Variants in SLC27A4 observed in about 807,000 individuals in gnomAD.
The protein encoded by SLC27A4 is solute carrier family 27 member 4, also known as long-chain fatty acid transport protein 4.
In SLC27A4, 33 loss-of-function variants were observed where a neutral mutation model predicts 64.4. The ratio of observed to expected loss-of-function variants is 0.51; its 90% confidence interval spans 0.39 to 0.68. The LOEUF is 0.68. SLC27A4 is among the 30% of genes least tolerant of loss of function. SLC27A4 has a pLI of 0.00. For synonymous variants in SLC27A4, 377 were observed against 370.0 expected (o/e 1.02, Z -0.22); for missense variants, 824 against 883.5 (o/e 0.93, Z 0.85).
Position 128,343,285 on chromosome 9 carries a change from C to T in SLC27A4, c.153C>T (p.Arg51=), listed in dbSNP as rs151270996. The change falls in exon 2 of 13, where the codon CGC becomes CGT. Residue 51 remains arginine, a synonymous_variant. Coordinates refer to ENST00000300456, the MANE Select transcript of SLC27A4 (RefSeq NM_005094.4). ...FIRVFIKTIR[R]DIFGGLVLLK... is the part of the protein sequence containing the mutation. ...GGGTCTTCATCAAGACCATCAGGCG[C>T]GATATCTTGTGAGTACCTGGCCCAG... 4.8e-4 allele frequency: 778 copies of T among 1,614,128 alleles called. No individual in the cohort carries two copies. Among genetic ancestry groups the T allele is most frequent in the Non-Finnish European group, 6.1e-4 (721 of 1,180,036 alleles).
intron 4 of SLC27A4, among the ~76,000 whole-genome samples, chr9:128,349,013 G>C (rs1011678225): frequency 4.5e-5 from 6 of 133,470 alleles, no homozygotes; most frequent in African/African-American, 1.6e-4. Context: ...GTGGACTCCG[G>C]GAACCTGCCT....
In SLC27A4 at chr9:128,350,387, G is replaced by A; in HGVS notation, c.785+6G>A. ...GCCATCGTGGTGCACAGCAGGTAAG[G>A]GGCAGGTGCCCAGGGTGGGGTAGGC... On this transcript the variant is annotated splice_donor_region_variant and intron_variant, in intron 5 of 12. Transcript: ENST00000300456. The A allele has an allele frequency of 6.2e-7, 1 of 1,613,570 alleles. No individual in the cohort carries two copies. The highest frequency in any genetic ancestry group is 8.5e-7 in the Non-Finnish European group (1 of 1,179,900).
chr9:128,349,995 A>C (rs1832709854), intron 4 of SLC27A4, among the ~76,000 whole-genome samples: 2 of 152,096 alleles, frequency 1.3e-5, no homozygotes, highest in African/African-American at 4.8e-5. Context: ...CTTGTTGCTT[A>C]GTATTGGAAT....
At chr9:128,350,630 C>A in intron 6 of SLC27A4, 55 bp downstream of exon 6, 2 of 1,326,590 alleles carry the variant, frequency 1.5e-6, no homozygotes, top group Non-Finnish European at 2.1e-6. Flanking sequence ...CTAGGAACCC[C>A]ACCCCCATCA....
chr9:128,360,218 C>T, intron 12 of SLC27A4, 116 bp from the exon 13 acceptor site: 2 of 1,187,158 alleles, frequency 1.7e-6, no homozygotes, highest in South Asian at 2.5e-5. Context: ...TCCTCCCCCA[C>T]TTCCCTCCCC....
intron 6 of SLC27A4, 30 bp from the exon 7 acceptor site, chr9:128,352,608 G>A (rs1564401815): frequency 6.4e-7 from 1 of 1,564,704 alleles, no homozygotes; most frequent in Middle Eastern, 1.7e-4. Context: ...TCATCTCGCT[G>A]ACCCTCAGGG....
rs560729636 is a variant in SLC27A4 at position 128,360,700 on chromosome 9, G to A, written c.*209G>A. ...TGTGAAAGTCTCATGTCCAAGTTCC[G>A]TCTTCTGGGCTGGGCAGGCCCTCTG... On this transcript the variant is annotated 3_prime_UTR_variant, in exon 13 of 13. Coordinates refer to ENST00000300456, the MANE Select transcript of SLC27A4 (RefSeq NM_005094.4). 269 of 590,120 alleles carry A rather than the reference G, an allele frequency of 4.6e-4. 6 individuals are homozygous for A. Among genetic ancestry groups the A allele is most frequent in the South Asian group, 4.0e-3 (204 of 50,998 alleles). The allele number at this position is 590,120 out of a possible 1,614,324, so 36.6% of individuals were successfully genotyped here. A position where few individuals can be genotyped will look rare whatever the true frequency, so the allele number is the denominator to read the frequency against.
At position 128,355,856 on chromosome 9, in the gene SLC27A4, G is replaced by C. The variant is rs1051825166; in HGVS notation, c.1774+60G>C. The C allele has an allele frequency of 3.9e-5, 63 of 1,604,994 alleles. No homozygotes were observed. The South Asian group carries it at 6.7e-4, about 17-fold the overall frequency. ...AGGTCCCTTCCCGTTTCCTTCTGGA[G>C]AGACCCGGTTGGCTGTTACTTGACC... On this transcript the variant is annotated intron_variant, in intron 12 of 12. Coordinates refer to ENST00000300456, the MANE Select transcript of SLC27A4 (RefSeq NM_005094.4).
At chr9:128,355,881 C>G in intron 12 of SLC27A4, 85 bp downstream of exon 12, 1 of 1,568,440 alleles carries the variant, frequency 6.4e-7, no homozygotes, top group Non-Finnish European at 8.7e-7. Context: ...GTTACTTGAC[C>G]TCTGCACACA....
At chr9:128,341,838 AAGCAATTCTTCTGCCTCAGCCTCCTGAGT>A (rs1832577173) in intron 1 of SLC27A4, among the ~76,000 whole-genome samples, 1 of 152,142 alleles carries the variant, frequency 6.6e-6, no homozygotes, top group Admixed American at 6.5e-5. Flanking sequence ...TCCCGGGTTC[AAGCAATTCTTCTGCCTCAGCCTCCTGAGT>A]AGCTGGGGTT....
At chr9:128,356,047 C>T (rs1443133031) in intron 12 of SLC27A4, among the ~76,000 whole-genome samples, 1 of 152,098 alleles carries the variant, frequency 6.6e-6, no homozygotes, top group African/African-American at 2.4e-5. Context: ...GGATGTTTTG[C>T]CTTCTTGGAG....
chr9:128,358,091 C>G (rs773575468), intron 12 of SLC27A4, among the ~76,000 whole-genome samples: 1 of 152,124 alleles, frequency 6.6e-6, no homozygotes, highest in Non-Finnish European at 1.5e-5. Flanking sequence ...CAAAATGGCT[C>G]GAAACAACCA....
chr9:128,350,555 T>A lies in SLC27A4; in HGVS notation c.857T>A (p.Leu286His), dbSNP rs1564401146. The A allele has an allele frequency of 6.2e-7, 1 of 1,612,660 alleles. No individual in the cohort carries two copies. Among genetic ancestry groups the A allele is most frequent in the African/African-American group, 1.3e-5 (1 of 74,974 alleles). ...CCCAACGACATCGTCTATGACTGCC[T>A]CCCCCTCTACCACTCAGCAGGTAAC... is the stretch of plus-strand genomic sequence containing the variant. Reference protein sequence around the residue: ...MRPNDIVYDCLPLYHSAGNIV... With the variant: ...MRPNDIVYDCHPLYHSAGNIV... Residue 286 changes from leucine to histidine, a missense_variant, in exon 6 of 13, where the codon CTC (leucine) becomes CAC (histidine). By Grantham distance (99) the Leu-to-His change is moderately conservative. Transcript: ENST00000300456.
intron 9 of SLC27A4, 76 bp from the exon 10 acceptor site, chr9:128,354,977 C>T (rs1030223183): frequency 4.4e-6 from 5 of 1,136,394 alleles, no homozygotes; most frequent in African/African-American, 3.6e-5. Context: ...AAAAAAAAGA[C>T]GCAGGGTACA....
chr9:128,350,487 T>C lies in SLC27A4; in HGVS notation c.789T>C (p.Tyr263=). The C allele has an allele frequency of 1.2e-6, 2 of 1,614,078 alleles. No individual in the cohort carries two copies. Among genetic ancestry groups the C allele is most frequent in the East Asian group, 4.5e-5 (2 of 44,876 alleles). Residue 263 remains tyrosine, a synonymous_variant, in exon 6 of 13, where the codon TAT becomes TAC. Coordinates refer to ENST00000300456, the MANE Select transcript of SLC27A4 (RefSeq NM_005094.4). The part of the protein sequence containing the change: ...PKAAIVVHSR[Y]YRMAALVYYG... ...CCTTGGCCCTGTGCCTTCCCAGGTA[T>C]TACCGCATGGCTGCCCTGGTGTACT...
Position 128,353,072 on chromosome 9 carries a change from A to G in SLC27A4, c.1035A>G (p.Pro345=), listed in dbSNP as rs55976774. 7.5e-4 allele frequency: 1,214 copies of G among 1,614,054 alleles called. 10 individuals are homozygous for G. The African/African-American group carries it at 0.015, about 19-fold the overall frequency. Reference sequence around the variant, plus strand: ...TGTGCCGCTACCTCCTGAACCAGCCACCGCGGGAGGCAGAAAACCAGCACC... The same window carrying G: ...TGTGCCGCTACCTCCTGAACCAGCCGCCGCGGGAGGCAGAAAACCAGCACC... ...GELCRYLLNQ[P]PREAENQHQV... is the part of the protein sequence containing the mutation. The change falls in exon 8 of 13, where the codon CCA becomes CCG. Residue 345 remains proline (P), a synonymous_variant. Transcript: ENST00000300456. The surrounding 1 kb of genome is among the most constrained non-coding windows in gnomAD (Gnocchi z 4.9).
Position 128,360,780 on chromosome 9 carries a change from G to C in SLC27A4, c.*289G>C, listed in dbSNP as rs1832890863. 2 of 458,756 alleles carry C rather than the reference G, an allele frequency of 4.4e-6. No individual in the cohort carries two copies. The highest frequency in any genetic ancestry group is 4.0e-5 in the African/African-American group (2 of 50,368). 28.4% of individuals were successfully genotyped at this position (458,756 alleles called of 1,614,324 possible). On this transcript the variant is annotated 3_prime_UTR_variant, in exon 13 of 13. Coordinates refer to ENST00000300456, the MANE Select transcript of SLC27A4 (RefSeq NM_005094.4). ...CAGGATGATGTCTTGGGTGAGGGTA[G>C]GGAGAGGACAAGGGGTCACCGAGCC...
chr9:128,346,212 GTTTTTTGTTT>G (rs940590269), intron 3 of SLC27A4, among the ~76,000 whole-genome samples: 9 of 150,420 alleles, frequency 6.0e-5, no homozygotes, highest in Admixed American at 5.3e-4. Context: ...ACTAAAAAAA[GTTTTTTGTTT>G]TTTTTTGTTT....
chr9:128,352,991 C>G, intron 7 of SLC27A4, 34 bp from the exon 8 acceptor site: 1 of 1,579,854 alleles, frequency 6.3e-7, no homozygotes, highest in Non-Finnish European at 8.7e-7. Flanking sequence ...AGGGCAGCCT[C>G]TGGAGCCTCG....
Sources: allele counts gnomAD v4.1 joint callset (sites outside exome capture counted in the v4.1 genomes callset), GRCh38; gene constraint gnomAD v4.1.1; non-coding constraint Gnocchi (gnomAD v3.1); transcripts MANE v1.5; gene names NCBI Gene and HGNC (gene_info 2026-07-23, HGNC 2026-07-21).